CBR4: variants seen among roughly 807,000 people sequenced by gnomAD.
The protein encoded by CBR4 is 3-oxoacyl-[acyl-carrier-protein] reductase.
CBR4 carries 22 observed loss-of-function variants against 21.0 expected under a neutral mutation model. The ratio of observed to expected loss-of-function variants is 1.05; its 90% confidence interval spans 0.75 to 1.50. CBR4 has a LOEUF of 1.50. CBR4 is among the 40% of genes most tolerant of loss of function. The pLI, the probability that CBR4 is intolerant of heterozygous loss-of-function variation, is 0.00. For missense variants in CBR4, 302 were observed against 286.3 expected, an observed-to-expected ratio of 1.05 and a Z score of -0.40; for synonymous variants, 100 against 104.4, an observed-to-expected ratio of 0.96 and a Z score of 0.26.
intron 2 of CBR4, among the ~76,000 whole-genome samples, chr4:168,967,352 G>A (rs1764073311): frequency 6.6e-6 from 1 of 151,998 alleles, no homozygotes; most frequent in Non-Finnish European, 1.5e-5. Flanking sequence ...ATCGGGGCCT[G>A]TCAGGGGGTT....
At chr4:168,997,828 T>C (rs540655467) in intron 4 of CBR4, among the ~76,000 whole-genome samples, 1 of 152,132 alleles carries the variant, frequency 6.6e-6, no homozygotes, top group Non-Finnish European at 1.5e-5. Flanking sequence ...CCAGATAAGA[T>C]GTCCACTCTT....
chr4:168,990,042 A>T lies in CBR4; in HGVS notation c.*108T>A. The T allele has an allele frequency of 7.5e-7, 1 of 1,328,224 alleles. No individual in the cohort carries two copies. 82.3% of individuals were successfully genotyped at this position (1,328,224 alleles called of 1,614,324 possible). ...AAAGACAGAAATTAACATTTGTAGC[A>T]TCAGCAGGTTTGATTAGCACATGTT... is the stretch of plus-strand genomic sequence containing the variant. On this transcript the variant is annotated 3_prime_UTR_variant, in exon 5 of 5. Transcript: ENST00000306193.
chr4:168,978,048 C>T (rs1234127745), intron 2 of CBR4, among the ~76,000 whole-genome samples: 2 of 152,192 alleles, frequency 1.3e-5, no homozygotes, highest in Admixed American at 6.5e-5. Context: ...TACTTGAAAT[C>T]TTTCAATACT....
At chr4:168,969,953 A>C (rs1442775131) in intron 2 of CBR4, among the ~76,000 whole-genome samples, 2 of 152,178 alleles carry the variant, frequency 1.3e-5, no homozygotes, top group Non-Finnish European at 1.5e-5. Context: ...AATTTTTGCC[A>C]CTCAAATGTC....
chr4:168,943,778 C>T (rs1201861156), intron 2 of CBR4, among the ~76,000 whole-genome samples: 1 of 152,094 alleles, frequency 6.6e-6, no homozygotes, highest in Non-Finnish European at 1.5e-5. Flanking sequence ...GGCATAGTGG[C>T]ACGCACCTGT....
intron 4 of CBR4, among the ~76,000 whole-genome samples, chr4:168,994,933 T>C (rs1765116782): frequency 6.6e-6 from 1 of 152,038 alleles, no homozygotes; most frequent in Non-Finnish European, 1.5e-5. Flanking sequence ...TTTGTATTTT[T>C]AGTGGAGACA....
intron 4 of CBR4, among the ~76,000 whole-genome samples, chr4:168,996,928 T>C (rs2126832251): frequency 6.6e-6 from 1 of 152,280 alleles, no homozygotes; most frequent in African/African-American, 2.4e-5. Flanking sequence ...AGGTTCCATA[T>C]CATGTATCAC....
chr4:168,927,870 TGAAAA>T (rs1289915386), intron 2 of CBR4: 2 of 209,864 alleles, frequency 9.5e-6, no homozygotes, highest in Non-Finnish European at 1.9e-5. Flanking sequence ...TACTTTGCTA[TGAAAA>T]GAAAACACTG....
chr4:168,929,234 A>G (rs994439109), intron 2 of CBR4, among the ~76,000 whole-genome samples: 4 of 152,170 alleles, frequency 2.6e-5, no homozygotes, highest in Non-Finnish European at 4.4e-5. Context: ...TATAGCATTA[A>G]TATCTACATA....
At chr4:168,957,750 C>T (rs150707209) in intron 2 of CBR4, among the ~76,000 whole-genome samples, 191 of 152,236 alleles carry the variant, frequency 1.3e-3, no homozygotes, top group Admixed American at 2.6e-3. Flanking sequence ...TAGCTGTGTT[C>T]CCACCCAAAT....
At chr4:168,996,649 G>A (rs2126831116) in intron 4 of CBR4, among the ~76,000 whole-genome samples, 1 of 152,132 alleles carries the variant, frequency 6.6e-6, no homozygotes, top group Admixed American at 6.5e-5. Context: ...AATATCATGT[G>A]TCCACCATTA....
chr4:168,898,600 G>A lies in CBR4; in HGVS notation n.170-3835C>T, dbSNP rs2094094165. The A allele has an allele frequency of 6.2e-7, 1 of 1,613,788 alleles. No individual in the cohort carries two copies. Among genetic ancestry groups the A allele is most frequent in the South Asian group, 1.1e-5 (1 of 91,080 alleles). ...GTGATGAAGTTCAGTATGGAGATGTGCCTGTGGAAAATGGAATGGCACCAT... is the reference window on the plus strand; with the variant it reads ...GTGATGAAGTTCAGTATGGAGATGTACCTGTGGAAAATGGAATGGCACCAT... On this transcript the variant is annotated intron_variant and non_coding_transcript_variant, in intron 2 of 3. Transcript: ENST00000509108.
chr4:168,955,047 G>A (rs1198630363), intron 2 of CBR4, among the ~76,000 whole-genome samples: 12 of 152,186 alleles, frequency 7.9e-5, no homozygotes, highest in Admixed American at 7.9e-4. Context: ...ACAAAATACT[G>A]TGCAGGCAAG....
rs182261822 is a variant in CBR4, at chr4:168,969,453, T to C, written n.169+32618A>G. 1.0e-3 allele frequency among the ~76,000 whole-genome samples: 153 copies of C among 152,316 alleles called. 1 individual carries two copies. The highest frequency in any genetic ancestry group is 3.4e-3 in the African/African-American group (140 of 41,576). Reference sequence around the variant, plus strand: ...AACTAAGGTTATACACTTCAAAATATAGATTATCCTGGATAATCTGGCTAG... The same window carrying C: ...AACTAAGGTTATACACTTCAAAATACAGATTATCCTGGATAATCTGGCTAG... On this transcript the variant is annotated intron_variant and non_coding_transcript_variant, in intron 2 of 3. Coordinates refer to the CBR4 transcript ENST00000509108.
At chr4:168,945,313 G>C (rs1434392892) in intron 2 of CBR4, among the ~76,000 whole-genome samples, 1 of 152,096 alleles carries the variant, frequency 6.6e-6, no homozygotes, top group Non-Finnish European at 1.5e-5. Flanking sequence ...TTGATACTAA[G>C]GTCTGAATTT....
chr4:168,999,355 G>A (rs1230849927), intron 4 of CBR4, among the ~76,000 whole-genome samples: 1 of 152,072 alleles, frequency 6.6e-6, no homozygotes, highest in Non-Finnish European at 1.5e-5. Context: ...GAATCTGGTT[G>A]AAATTACTAT....
intron 4 of CBR4, among the ~76,000 whole-genome samples, chr4:168,994,978 T>C (rs1765119444): frequency 6.6e-6 from 1 of 152,140 alleles, no homozygotes; most frequent in South Asian, 2.1e-4. Flanking sequence ...GGTCTCAAAT[T>C]ACTGGCCTTA....
At chr4:168,894,666 A>G in exon 3 of CBR4, 1 of 1,613,460 alleles carries the variant, frequency 6.2e-7, no homozygotes, top group Non-Finnish European at 8.5e-7. Flanking sequence ...AGAAGAGGAA[A>G]CAGCTAATCA....
intron 2 of CBR4, among the ~76,000 whole-genome samples, chr4:168,971,699 T>G (rs984470590): frequency 6.6e-6 from 1 of 152,202 alleles, no homozygotes; most frequent in Non-Finnish European, 1.5e-5. Flanking sequence ...ATATTAGCCC[T>G]TTGTCAGATG....
Sources: allele counts gnomAD v4.1 joint callset (sites outside exome capture counted in the v4.1 genomes callset), GRCh38; gene constraint gnomAD v4.1.1; transcripts MANE v1.5; gene names NCBI Gene and HGNC (gene_info 2026-07-23, HGNC 2026-07-21).